Variants in TIAM2 observed in about 807,000 individuals in gnomAD.
TIAM2 encodes TIAM Rac1 associated GEF 2, also known as rho guanine nucleotide exchange factor TIAM2.
Under a neutral mutation model 152.9 loss-of-function variants are expected in TIAM2, and 80 were observed. The ratio of observed to expected loss-of-function variants is 0.52; its 90% CI spans 0.44 to 0.63. The LOEUF is 0.63. TIAM2 is among the 30% of genes least tolerant of loss of function. TIAM2 has a pLI of 0.00. For missense variants in TIAM2, 1,965 were observed against 2,120.1 expected (o/e 0.93, Z 1.44); for synonymous variants, 804 against 838.0 (o/e 0.96, Z 0.70).
chr6:155,196,999 A>C (rs1002326394), intron 14 of TIAM2, among the ~76,000 whole-genome samples: 1 of 152,260 alleles, frequency 6.6e-6, no homozygotes, highest in African/African-American at 2.4e-5. Flanking sequence ...GGAAAAAAGC[A>C]CATGAAATTG....
chr6:155,256,212 TGTA>T, intron 26 of TIAM2: 2 of 577,122 alleles, frequency 3.5e-6, no homozygotes, highest in Non-Finnish European at 6.1e-6. Flanking sequence ...TCTTAGCCCA[TGTA>T]GTAGTTTCTA....
chr6:155,169,455 A>T (rs1780524445), intron 9 of TIAM2, among the ~76,000 whole-genome samples: 2 of 152,236 alleles, frequency 1.3e-5, no homozygotes, highest in South Asian at 2.1e-4. Context: ...CTCCATTTTA[A>T]AATTAGTGAC....
intron 2 of TIAM2, among the ~76,000 whole-genome samples, chr6:155,114,649 G>T (rs948721719): frequency 6.6e-6 from 1 of 151,900 alleles, no homozygotes; most frequent in Admixed American, 6.6e-5. Flanking sequence ...TAACCATAAA[G>T]CTCCTTGGGT....
In TIAM2 at chr6:155,156,461, C is replaced by A. The variant is rs1307502453; in HGVS notation, c.2029-7954C>A. 1.3e-5 allele frequency among the ~76,000 whole-genome samples: 2 copies of A among 152,082 alleles called. No homozygotes were observed. Among genetic ancestry groups the A allele is most frequent in the African/African-American group, 2.4e-5 (1 of 41,398 alleles). On this transcript the variant is annotated intron_variant, in intron 7 of 26. Coordinates refer to ENST00000682666, the MANE Select transcript of TIAM2 (RefSeq NM_012454.4). This position sits in a 1 kb window ranked among gnomAD's most constrained non-coding sequence, Gnocchi z 4.4. ...CTTGAGGTCAGGAGTTCAAGACTAG[C>A]CTGGCCAATGTGGTGAAACCCCGTC...
intron 14 of TIAM2, among the ~76,000 whole-genome samples, chr6:155,210,609 T>G (rs1168477374): frequency 1.3e-5 from 2 of 152,158 alleles, no homozygotes; most frequent in Non-Finnish European, 1.5e-5. Flanking sequence ...AGGCCTGAGA[T>G]TACGGGCATG....
rs189735368 is a variant in TIAM2 at position 155,067,514 on chromosome 6, A to T, written c.-208-22775A>T. Among the ~76,000 whole-genome samples, 372 of 152,254 alleles carry T rather than the reference A, an allele frequency of 2.4e-3. 1 individual carries two copies. The highest frequency in any genetic ancestry group is 3.8e-3 in the Non-Finnish European group (258 of 68,030). On this transcript the variant is annotated intron_variant, in intron 1 of 26. Coordinates refer to ENST00000682666, the MANE Select transcript of TIAM2 (RefSeq NM_012454.4). ...TTCCCACAGGGAGATGCATGTTCTT[A>T]TATTCAGCTCTGGCTCTGAGTTCTT...
chr6:155,097,800 T>G (rs1416386291), intron 2 of TIAM2, among the ~76,000 whole-genome samples: 1 of 152,254 alleles, frequency 6.6e-6, no homozygotes, highest in East Asian at 1.9e-4. Flanking sequence ...GTCTTAGATT[T>G]AAGTCTTTAA....
Position 155,160,976 on chromosome 6 carries a change from G to A in TIAM2, c.2029-3439G>A, listed in dbSNP as rs79595809. Among the ~76,000 whole-genome samples the A allele has an allele frequency of 5.0e-3, 756 of 152,208 alleles. 8 individuals carry two copies. The highest frequency in any genetic ancestry group is 0.016 in the African/African-American group (663 of 41,532). On this transcript the variant is annotated intron_variant, in intron 7 of 26. Coordinates refer to ENST00000682666, the MANE Select transcript of TIAM2 (RefSeq NM_012454.4). ...ATAAGATACAATCAAGACAACAAAC[G>A]TCTTGATTTTTATAAGGTCTCCTTT... is the stretch of plus-strand genomic sequence containing the variant.
At chr6:155,003,344 G>A (rs1367353154) in intron 1 of TIAM2, among the ~76,000 whole-genome samples, 20 of 152,072 alleles carry the variant, frequency 1.3e-4, no homozygotes, top group Admixed American at 1.3e-3. Flanking sequence ...GCCAGGTGTA[G>A]TGGTGCACGC....
chr6:155,200,770 G>A (rs1171764900), intron 14 of TIAM2, among the ~76,000 whole-genome samples: 1 of 152,078 alleles, frequency 6.6e-6, no homozygotes, highest in East Asian at 1.9e-4. Context: ...GGGCATGGTG[G>A]CGCACACCTG....
chr6:155,247,508 T>C (rs938588753), intron 19 of TIAM2, among the ~76,000 whole-genome samples: 1 of 152,098 alleles, frequency 6.6e-6, no homozygotes, highest in African/African-American at 2.4e-5. Flanking sequence ...TTTGTATTTT[T>C]AGTAGAGACG....
chr6:155,052,647 T>G (rs1303444242), intron 1 of TIAM2, among the ~76,000 whole-genome samples: 1 of 151,700 alleles, frequency 6.6e-6, no homozygotes, highest in Non-Finnish European at 1.5e-5. Context: ...GTGCCTGTAA[T>G]CCCAGCGACT....
At chr6:155,250,453 T>G in intron 21 of TIAM2, 1 of 1,131,638 alleles carries the variant, frequency 8.8e-7, no homozygotes, top group Non-Finnish European at 1.2e-6. Flanking sequence ...GTAGCATAGT[T>G]TAGGGAGAAA....
At chr6:155,151,948 G>A (rs868100415) in intron 7 of TIAM2, among the ~76,000 whole-genome samples, 2 of 149,480 alleles carry the variant, frequency 1.3e-5, no homozygotes, top group South Asian at 2.1e-4. Flanking sequence ...AGGTTCAAGC[G>A]ATTCCCATGC....
intron 15 of TIAM2, among the ~76,000 whole-genome samples, chr6:155,238,433 T>A (rs1200610611): frequency 6.6e-6 from 1 of 152,188 alleles, no homozygotes; most frequent in Non-Finnish European, 1.5e-5. Flanking sequence ...TGCCTCCACG[T>A]TTTCAGTTAT....
intron 2 of TIAM2, among the ~76,000 whole-genome samples, chr6:155,118,524 C>G (rs1378554694): frequency 6.7e-6 from 1 of 149,112 alleles, no homozygotes; most frequent in Non-Finnish European, 1.5e-5. Flanking sequence ...CCTTTGCCTC[C>G]TGGATTCAAG....
intron 25 of TIAM2, 100 bp downstream of exon 25, chr6:155,254,160 CA>C: frequency 7.8e-7 from 1 of 1,281,466 alleles, no homozygotes; most frequent in South Asian, 1.4e-5. Flanking sequence ...TTGATGATAT[CA>C]GGGTCATACT....
intron 1 of TIAM2, among the ~76,000 whole-genome samples, chr6:155,003,016 A>C (rs2475867): frequency 1.4e-4 from 22 of 152,240 alleles, no homozygotes; most frequent in African/African-American, 4.8e-4. Context: ...TTTTTGTACC[A>C]CTTTTATATC....
chr6:155,204,774 G>A (rs904187140), intron 14 of TIAM2, among the ~76,000 whole-genome samples: 1 of 152,116 alleles, frequency 6.6e-6, no homozygotes, highest in African/African-American at 2.4e-5. Flanking sequence ...TTGAAGCACG[G>A]CTTTTTCCGA....
Sources: allele counts gnomAD v4.1 joint callset (sites outside exome capture counted in the v4.1 genomes callset), GRCh38; gene constraint gnomAD v4.1.1; non-coding constraint Gnocchi (gnomAD v3.1); transcripts MANE v1.5; gene names NCBI Gene and HGNC (gene_info 2026-07-23, HGNC 2026-07-21).